FRMD3: variants seen among roughly 807,000 people sequenced by gnomAD.
FRMD3 encodes the protein FERM domain containing 3.
Under a neutral mutation model 70.2 loss-of-function variants are expected in FRMD3, and 33 were observed. The observed-to-expected ratio is 0.47, with a 90% CI of 0.36 to 0.63. FRMD3 has a LOEUF of 0.63. FRMD3 is among the 20% of genes least tolerant of loss of function. The pLI is 0.00. For synonymous variants in FRMD3, 279 were observed against 255.9 expected, an observed-to-expected ratio of 1.09 and a Z score of -0.86; for missense variants, 632 against 711.4, an observed-to-expected ratio of 0.89 and a Z score of 1.27.
intron 1 of FRMD3, among the ~76,000 whole-genome samples, chr9:83,393,742 T>C (rs936514984): frequency 2.6e-5 from 4 of 151,944 alleles, no homozygotes; most frequent in African/African-American, 9.7e-5. Context: ...TGACAGGAGG[T>C]GGAGCTCAGG....
chr9:83,293,313 C>T (rs1018603304), intron 12 of FRMD3, among the ~76,000 whole-genome samples: 1 of 152,152 alleles, frequency 6.6e-6, no homozygotes, highest in Non-Finnish European at 1.5e-5. Flanking sequence ...TCTAACTCTG[C>T]AAGGACAACA....
intron 1 of FRMD3, among the ~76,000 whole-genome samples, chr9:83,407,837 G>GTCTCCC (rs1554700495): frequency 8.7e-5 from 9 of 103,600 alleles, no homozygotes; most frequent in Non-Finnish European, 1.7e-4. Flanking sequence ...GGGTTGTTGA[G>GTCTCCC]TCTCTCTCTC....
At chr9:83,243,840 G>A (rs1482578517), downstream of FRMD3, among the ~76,000 whole-genome samples, 1 of 152,052 alleles carries the variant, frequency 6.6e-6, no homozygotes, top group East Asian at 1.9e-4. Context: ...TAACTGTTAG[G>A]TATGGAGTTG....
chr9:83,582,421 C>T, the FRMD3 span, among the ~76,000 whole-genome samples: 1 of 152,128 alleles, frequency 6.6e-6, no homozygotes, highest in Admixed American at 6.5e-5. Context: ...TGCTCTTAAA[C>T]TTGATTTATT....
intron 2 of FRMD3, among the ~76,000 whole-genome samples, chr9:83,387,148 C>T (rs1389114583): frequency 6.6e-6 from 1 of 152,150 alleles, no homozygotes; most frequent in Non-Finnish European, 1.5e-5. Context: ...CTTTTGCACA[C>T]TAATTTTAGC....
chr9:83,557,542 G>C, the FRMD3 span, among the ~76,000 whole-genome samples: 1 of 152,192 alleles, frequency 6.6e-6, no homozygotes, highest in African/African-American at 2.4e-5. Context: ...GCAGACACAT[G>C]GATGACATTT....
At chr9:83,331,486 A>G (rs894617856) in intron 6 of FRMD3, among the ~76,000 whole-genome samples, 2 of 152,216 alleles carry the variant, frequency 1.3e-5, no homozygotes, top group Non-Finnish European at 2.9e-5. Context: ...ACTACTCTGT[A>G]TGATACTATA....
Position 83,290,730 on chromosome 9 carries a change from G to A in FRMD3, c.1071-3C>T. 1 of 1,602,896 alleles carries A rather than the reference G, an allele frequency of 6.2e-7. No homozygotes were observed. The highest frequency in any genetic ancestry group is 8.5e-7 in the Non-Finnish European group (1 of 1,173,790). ...TGCGGCTCTGAGTAATGTTGGCTCT[G>A]AAAACAGACACAAGCCAGACAGAGT... On this transcript the variant is annotated splice_polypyrimidine_tract_variant and splice_region_variant and intron_variant, in intron 12 of 13. Coordinates refer to ENST00000304195, the MANE Select transcript of FRMD3 (RefSeq NM_174938.6).
At position 83,248,186 on chromosome 9, in the gene FRMD3, G is replaced by C; in HGVS notation, c.1526C>G (p.Ser509Trp). 2 of 1,614,170 alleles carry C rather than the reference G, an allele frequency of 1.2e-6. No individual in the cohort carries two copies. Among genetic ancestry groups the C allele is most frequent in the Non-Finnish European group, 1.7e-6 (2 of 1,180,028 alleles). The change falls in exon 14 of 14, where the codon TCG becomes TGG. Residue 509 changes from serine (S) to tryptophan (W), a missense_variant. Ser to Trp is a radical substitution (Grantham distance 177). Coordinates refer to ENST00000304195, the MANE Select transcript of FRMD3 (RefSeq NM_174938.6). ...EELKEARRAL[S>W]WSYDILTGHI... is the part of the protein sequence containing the mutation. ...GCCAGTCAGAATGTCATAGCTCCAC[G>C]ACAAAGCACGGCGAGCCTCCTTCAG... is the stretch of plus-strand genomic sequence containing the variant.
intron 1 of FRMD3, among the ~76,000 whole-genome samples, chr9:83,491,723 A>T (rs1339135560): frequency 6.6e-6 from 1 of 152,168 alleles, no homozygotes; most frequent in Non-Finnish European, 1.5e-5. Context: ...ATGCCTCCTG[A>T]CCTGACCTCT....
chr9:83,297,972 C>T (rs1834744431), intron 12 of FRMD3, among the ~76,000 whole-genome samples: 1 of 152,176 alleles, frequency 6.6e-6, no homozygotes, highest in African/African-American at 2.4e-5. Flanking sequence ...AGGCACCCAG[C>T]TCATTTAGTC....
At chr9:83,354,034 C>T (rs1052454482) in intron 3 of FRMD3, among the ~76,000 whole-genome samples, 5 of 152,068 alleles carry the variant, frequency 3.3e-5, no homozygotes, top group African/African-American at 1.2e-4. Context: ...AAGCAATTCT[C>T]CTGGCTCAGC....
chr9:83,311,376 G>A (rs796998136), intron 8 of FRMD3, among the ~76,000 whole-genome samples: 10 of 151,924 alleles, frequency 6.6e-5, no homozygotes, highest in African/African-American at 1.9e-4. Flanking sequence ...ACTGCTCCAC[G>A]TTTGCTCTGT....
At chr9:83,568,187 G>A in the FRMD3 span, among the ~76,000 whole-genome samples, 2 of 152,164 alleles carry the variant, frequency 1.3e-5, no homozygotes, top group African/African-American at 4.8e-5. Context: ...AAACCCACCA[G>A]ATCTCATGAG....
intron 13 of FRMD3, among the ~76,000 whole-genome samples, chr9:83,278,895 C>CTGGGAT (rs2118889694): frequency 6.6e-6 from 1 of 152,260 alleles, no homozygotes; most frequent in African/African-American, 2.4e-5. Flanking sequence ...ATCCAAAGGG[C>CTGGGAT]TGGGCTTGGG....
chr9:83,301,071 T>C (rs538465786), intron 10 of FRMD3, among the ~76,000 whole-genome samples: 24 of 152,282 alleles, frequency 1.6e-4, no homozygotes, highest in African/African-American at 5.3e-4. Flanking sequence ...AGGGGGATCC[T>C]GTCAGGGCAG....
chr9:83,502,270 C>T (rs759741108), intron 1 of FRMD3, among the ~76,000 whole-genome samples: 6 of 152,090 alleles, frequency 3.9e-5, no homozygotes, highest in Non-Finnish European at 7.4e-5. Flanking sequence ...GTGGTGAGTG[C>T]AACAGAGAAG....
intron 1 of FRMD3, among the ~76,000 whole-genome samples, chr9:83,485,179 C>T (rs558706807): frequency 1.3e-5 from 2 of 152,332 alleles, no homozygotes; most frequent in South Asian, 2.1e-4. Context: ...ACCTGAGTTA[C>T]GCTCATTTCA....
At chr9:83,428,211 T>C (rs1826867745) in intron 1 of FRMD3, among the ~76,000 whole-genome samples, 1 of 152,032 alleles carries the variant, frequency 6.6e-6, no homozygotes, top group Non-Finnish European at 1.5e-5. Flanking sequence ...ACCCCATCTG[T>C]ACTAAAAATA....
Sources: allele counts gnomAD v4.1 joint callset (sites outside exome capture counted in the v4.1 genomes callset), GRCh38; gene constraint gnomAD v4.1.1; transcripts MANE v1.5; gene names NCBI Gene and HGNC (gene_info 2026-07-23, HGNC 2026-07-21).